EGFR: variants seen among roughly 807,000 people sequenced by gnomAD.
The protein encoded by EGFR is avian erythroblastic leukemia viral (v-erb-b) oncogene homolog.
A neutral mutation model predicts 143.0 loss-of-function variants in EGFR; 58 were observed. The observed-to-expected ratio is 0.41, with a 90% CI of 0.33 to 0.50. The LOEUF is 0.50. EGFR is among the 20% of genes least tolerant of loss of function. The probability of loss-of-function intolerance (pLI) is 0.39; values close to 1 mark genes in which losing one functional copy is unlikely to be tolerated. For missense variants in EGFR, 1,307 were observed against 1,579.0 expected (o/e 0.83, Z 2.92); for synonymous variants, 613 against 594.4 (o/e 1.03, Z -0.45).
At chr7:55,081,252 G>A (rs1283399832) in intron 1 of EGFR, among the ~76,000 whole-genome samples, 1 of 152,214 alleles carries the variant, frequency 6.6e-6, no homozygotes, top group African/African-American at 2.4e-5. Flanking sequence ...TTTGGCGGCA[G>A]AAGGAACTGT....
intron 1 of EGFR, among the ~76,000 whole-genome samples, chr7:55,075,474 T>G (rs977225651): frequency 1.3e-5 from 2 of 152,184 alleles, no homozygotes; most frequent in Non-Finnish European, 2.9e-5. Flanking sequence ...ACCACAACAA[T>G]GCAACAATGT....
intron 22 of EGFR, among the ~76,000 whole-genome samples, chr7:55,197,849 G>T (rs547125723): frequency 3.3e-5 from 5 of 152,288 alleles, no homozygotes; most frequent in African/African-American, 9.6e-5. Context: ...GGATGAAGCC[G>T]ACTTGATTGT....
At chr7:55,019,851 G>T (rs938716193) in intron 1 of EGFR, among the ~76,000 whole-genome samples, 25 of 152,206 alleles carry the variant, frequency 1.6e-4, no homozygotes, top group Admixed American at 4.6e-4. Context: ...TAGGGAAGCT[G>T]AGGAAGGAAC....
At chr7:55,192,616 C>T (rs1277331317) in intron 21 of EGFR, 150 bp from the exon 22 acceptor site, 10 of 727,272 alleles carry the variant, frequency 1.4e-5, no homozygotes, top group Middle Eastern at 2.8e-4. Context: ...CCCCTGTTGC[C>T]GGGAGGAGGC....
chr7:55,202,687 C>T (rs764285682), intron 27 of EGFR, 62 bp downstream of exon 27: 11 of 1,481,436 alleles, frequency 7.4e-6, no homozygotes, highest in Non-Finnish European at 1.0e-5. Context: ...CAGCAGCAGC[C>T]AGTCTCCAGT....
At chr7:55,101,970 ACT>A (rs1791859827) in intron 1 of EGFR, among the ~76,000 whole-genome samples, 1 of 151,704 alleles carries the variant, frequency 6.6e-6, no homozygotes, top group African/African-American at 2.4e-5. Context: ...ATGTCGGGAA[ACT>A]CTGTATCGAA....
intron 1 of EGFR, among the ~76,000 whole-genome samples, chr7:55,056,209 AG>A (rs1788808791): frequency 6.6e-6 from 1 of 152,174 alleles, no homozygotes; most frequent in Non-Finnish European, 1.5e-5. Context: ...AAAAATCATC[AG>A]TATTTCTGGA....
In EGFR at chr7:55,210,891, G is replaced by A. The variant is rs1402460888; in HGVS notation, c.*5274G>A. 3 of 152,178 alleles carry A rather than the reference G, an allele frequency of 2.0e-5. No individual in the cohort carries two copies. The highest frequency in any genetic ancestry group is 4.8e-5 in the African/African-American group (2 of 41,432). The allele number at this position is 152,178 out of a possible 1,614,324, so 9.4% of individuals were successfully genotyped here. Reference sequence around the variant, plus strand: ...TTTATTTCCCACAGTGAAAGAAAACGCTGGCCTATCAGTTACATTACAAAA... The same window carrying A: ...TTTATTTCCCACAGTGAAAGAAAACACTGGCCTATCAGTTACATTACAAAA... On this transcript the variant is annotated 3_prime_UTR_variant, in exon 28 of 28. Coordinates refer to ENST00000275493, the MANE Select transcript of EGFR (RefSeq NM_005228.5).
chr7:55,190,566 C>T (rs1055054828), intron 20 of EGFR, among the ~76,000 whole-genome samples: 1 of 152,106 alleles, frequency 6.6e-6, no homozygotes, highest in African/African-American at 2.4e-5. Flanking sequence ...ACATCTACAG[C>T]TTTTCCCTGC....
chr7:55,141,208 A>C (rs1794440347), intron 1 of EGFR, among the ~76,000 whole-genome samples: 1 of 152,228 alleles, frequency 6.6e-6, no homozygotes, highest in Non-Finnish European at 1.5e-5. Context: ...ATTTGGGTTC[A>C]AATTATAGTC....
chr7:55,170,996 C>T (rs1786323314), intron 15 of EGFR, 179 bp from the exon 16 acceptor site: 1 of 1,463,998 alleles, frequency 6.8e-7, no homozygotes, highest in Middle Eastern at 2.5e-4. Context: ...AGTGAATGAA[C>T]AAATGAATAA....
At chr7:55,112,555 C>G (rs1039856369) in intron 1 of EGFR, among the ~76,000 whole-genome samples, 1 of 152,192 alleles carries the variant, frequency 6.6e-6, no homozygotes, top group Non-Finnish European at 1.5e-5. Context: ...AAGTGTGGCC[C>G]GAGGGCCATG....
chr7:55,200,624 C>A (rs1418538953), intron 24 of EGFR: 1 of 630,386 alleles, frequency 1.6e-6, no homozygotes, highest in Admixed American at 2.3e-5. Flanking sequence ...TCCATCTCCC[C>A]CTCCCCGTCT....
rs899190280 is a variant in EGFR at position 55,166,800 on chromosome 7, G to T, written c.1880+1363G>T. Among the ~76,000 whole-genome samples, 3 of 127,260 alleles carry T rather than the reference G, an allele frequency of 2.4e-5. 1 individual carries two copies. Among genetic ancestry groups the T allele is most frequent in the African/African-American group, 9.3e-5 (3 of 32,102 alleles). 83.5% of individuals were successfully genotyped at this position (127,260 alleles called of 152,430 possible). On this transcript the variant is annotated intron_variant, in intron 15 of 27. Coordinates refer to ENST00000275493, the MANE Select transcript of EGFR (RefSeq NM_005228.5). The stretch of plus-strand genomic sequence containing the variant: ...CACAATGTTGGTGGTGTTGGTGGTG[G>T]TGGTGGTGAGGAGGTGGGAGTCACA...
At chr7:55,165,959 C>A (rs1032231791) in intron 15 of EGFR, among the ~76,000 whole-genome samples, 5 of 152,154 alleles carry the variant, frequency 3.3e-5, no homozygotes, top group African/African-American at 1.2e-4. Context: ...AGGCAGATCA[C>A]TTGAGGTCAG....
chr7:55,142,274 T>G lies in EGFR; in HGVS notation c.89-12T>G. On this transcript the variant is annotated splice_polypyrimidine_tract_variant and intron_variant, in intron 1 of 27. Coordinates refer to ENST00000275493, the MANE Select transcript of EGFR (RefSeq NM_005228.5). Reference sequence around the variant, plus strand: ...CTCAGTATTTCATGTGATATCTGTCTTTTTCTTCCAGTTTGCCAAGGCACG... The same window carrying G: ...CTCAGTATTTCATGTGATATCTGTCGTTTTCTTCCAGTTTGCCAAGGCACG... The G allele has an allele frequency of 1.2e-6, 2 of 1,614,180 alleles. No homozygotes were observed. The highest frequency in any genetic ancestry group is 1.7e-6 in the Non-Finnish European group (2 of 1,180,008).
At chr7:55,203,543 C>T (rs993950187) in intron 27 of EGFR, among the ~76,000 whole-genome samples, 1 of 132,044 alleles carries the variant, frequency 7.6e-6, no homozygotes, top group South Asian at 2.6e-4. Context: ...ACATACACCA[C>T]ACACACCACA....
chr7:55,126,848 C>T (rs952676771), intron 1 of EGFR, among the ~76,000 whole-genome samples: 4 of 152,106 alleles, frequency 2.6e-5, no homozygotes, highest in African/African-American at 9.7e-5. Flanking sequence ...GTGAGATATT[C>T]ATTATACAAA....
intron 20 of EGFR, among the ~76,000 whole-genome samples, chr7:55,183,905 C>T (rs1197781317): frequency 6.6e-6 from 1 of 152,212 alleles, no homozygotes; most frequent in Non-Finnish European, 1.5e-5. Flanking sequence ...CAGTAACCCC[C>T]AGCTCCACAA....
Sources: gnomAD v4.1 joint callset for allele counts (sites outside exome capture counted in the v4.1 genomes callset) on GRCh38, gnomAD v4.1.1 for gene constraint, MANE v1.5 for transcripts, NCBI Gene and HGNC (gene_info 2026-07-23, HGNC 2026-07-21) for gene names.